Variants in ST6GAL1 observed in about 807,000 individuals in gnomAD.
The protein encoded by ST6GAL1 is beta-galactoside alpha-2,6-sialyltransferase 1.
ST6GAL1 carries 20 observed loss-of-function variants against 38.0 expected under a neutral mutation model. The observed-to-expected ratio is 0.53, with a 90% CI of 0.37 to 0.77. ST6GAL1 has a LOEUF of 0.77. Among genes scored for constraint, ST6GAL1 ranks in the 30% least tolerant of loss-of-function variants. The pLI is 0.00. For missense variants in ST6GAL1, 432 were observed against 496.4 expected (o/e 0.87, Z 1.23); for synonymous variants, 196 against 188.2 (o/e 1.04, Z -0.34).
chr3:187,033,381 C>T (rs994019352), intron 2 of ST6GAL1, among the ~76,000 whole-genome samples: 2 of 102,524 alleles, frequency 2.0e-5, no homozygotes, highest in African/African-American at 1.9e-4. Flanking sequence ...CCACTTCTGC[C>T]TGGGCCGACA....
chr3:187,023,530 A>G (rs1717402574), intron 2 of ST6GAL1, among the ~76,000 whole-genome samples: 1 of 152,204 alleles, frequency 6.6e-6, no homozygotes, highest in Non-Finnish European at 1.5e-5. Context: ...ATGTGCACAT[A>G]TACACCATGG....
intron 5 of ST6GAL1, among the ~76,000 whole-genome samples, chr3:187,052,024 C>CT (rs1267607554): frequency 6.6e-6 from 1 of 152,152 alleles, no homozygotes; most frequent in Non-Finnish European, 1.5e-5. Context: ...CAACATTTGC[C>CT]TTTTTCTGAA....
At chr3:187,064,354 C>T (rs1719021499) in intron 5 of ST6GAL1, among the ~76,000 whole-genome samples, 2 of 152,182 alleles carry the variant, frequency 1.3e-5, no homozygotes, top group African/African-American at 4.8e-5. Context: ...AATTGAAACT[C>T]TCCTGGGCAG....
At chr3:186,933,766 C>T (rs1288375973) in intron 1 of ST6GAL1, among the ~76,000 whole-genome samples, 1 of 152,202 alleles carries the variant, frequency 6.6e-6, no homozygotes, top group East Asian at 1.9e-4. Flanking sequence ...TTGCATCAAA[C>T]CAGTAGTTGT....
chr3:186,956,739 G>A (rs9826667), intron 1 of ST6GAL1, among the ~76,000 whole-genome samples: 29,622 of 152,088 alleles, frequency 0.19, 6,293 homozygotes, highest in African/African-American at 0.54. Flanking sequence ...TCACCCTCCC[G>A]TAAGATCCAC....
intron 4 of ST6GAL1, among the ~76,000 whole-genome samples, 180 bp from the exon 5 acceptor site, chr3:187,051,069 T>A (rs1718496722): frequency 6.6e-6 from 1 of 152,170 alleles, no homozygotes; most frequent in Non-Finnish European, 1.5e-5. Context: ...CAGGTGGTCA[T>A]CTCTGCCTAG....
At chr3:187,001,894 T>G (rs1463265764) in intron 2 of ST6GAL1, among the ~76,000 whole-genome samples, 2 of 149,880 alleles carry the variant, frequency 1.3e-5, no homozygotes, top group Non-Finnish European at 3.0e-5. Context: ...AGGCGGAGGT[T>G]GCAGTGAGCC....
At chr3:186,954,863 T>G (rs67697192) in intron 1 of ST6GAL1, among the ~76,000 whole-genome samples, 15,921 of 152,264 alleles carry the variant, frequency 0.1, 1,083 homozygotes, top group Non-Finnish European at 0.16. Context: ...TTTCTGCTTT[T>G]GTTGTAATTG....
intron 1 of ST6GAL1, among the ~76,000 whole-genome samples, chr3:186,944,231 C>T (rs888906569): frequency 3.2e-4 from 48 of 152,244 alleles, no homozygotes; most frequent in African/African-American, 1.2e-3. Context: ...GTAGTGCCTG[C>T]GAATCCTTTA....
At chr3:187,054,658 G>A (rs192319375) in intron 5 of ST6GAL1, among the ~76,000 whole-genome samples, 10 of 152,190 alleles carry the variant, frequency 6.6e-5, no homozygotes, top group African/African-American at 2.4e-4. Flanking sequence ...TGACTTAATC[G>A]TGGTGGATAA....
chr3:186,956,855 T>G (rs913792128), intron 1 of ST6GAL1, among the ~76,000 whole-genome samples: 15 of 152,016 alleles, frequency 9.9e-5, no homozygotes, highest in African/African-American at 3.1e-4. Flanking sequence ...TTGAGAAAAG[T>G]TTGAAACATG....
intron 2 of ST6GAL1, among the ~76,000 whole-genome samples, chr3:186,969,277 TC>T (rs1471965074): frequency 2.6e-5 from 4 of 152,204 alleles, no homozygotes; most frequent in Admixed American, 6.5e-5. Flanking sequence ...GGTGTTGAAC[TC>T]CTGACCTCAA....
intron 5 of ST6GAL1, among the ~76,000 whole-genome samples, chr3:187,056,327 CA>C (rs1198556804): frequency 6.6e-6 from 1 of 152,000 alleles, no homozygotes; most frequent in African/African-American, 2.4e-5. Context: ...ATTATGTGTG[CA>C]TTTGATCCTG....
intron 1 of ST6GAL1, among the ~76,000 whole-genome samples, chr3:186,951,108 C>A (rs1001883541): frequency 6.6e-6 from 1 of 152,084 alleles, no homozygotes; most frequent in African/African-American, 2.4e-5. Flanking sequence ...TTGTTTTTGT[C>A]CCCCAGGCTG....
At chr3:187,027,876 G>A (rs555049261) in intron 2 of ST6GAL1, among the ~76,000 whole-genome samples, 2 of 152,184 alleles carry the variant, frequency 1.3e-5, no homozygotes, top group Non-Finnish European at 2.9e-5. Context: ...GGCATTACCG[G>A]TAAGGCAGAG....
intron 2 of ST6GAL1, among the ~76,000 whole-genome samples, chr3:187,002,990 C>CTG (rs1266000872): frequency 6.6e-6 from 1 of 152,172 alleles, no homozygotes; most frequent in African/African-American, 2.4e-5. Context: ...ATTATGGAAA[C>CTG]TGACAATTAC....
chr3:187,016,596 G>A (rs1010792883), intron 2 of ST6GAL1, among the ~76,000 whole-genome samples: 3 of 152,166 alleles, frequency 2.0e-5, no homozygotes, highest in African/African-American at 2.4e-5. Flanking sequence ...CTGTGGATCT[G>A]TCCCCCAAAG....
chr3:186,970,780 G>A (rs1475076282), intron 2 of ST6GAL1, among the ~76,000 whole-genome samples: 1 of 152,106 alleles, frequency 6.6e-6, no homozygotes, highest in Non-Finnish European at 1.5e-5. Context: ...TGGTATGCAT[G>A]TATCACAGTT....
intron 4 of ST6GAL1, among the ~76,000 whole-genome samples, chr3:187,050,507 A>G (rs1424328763): frequency 6.9e-6 from 1 of 144,768 alleles, no homozygotes; most frequent in African/African-American, 2.5e-5. Context: ...GATTTAGTAC[A>G]TTGTTTCTGA....
Sources: allele counts gnomAD v4.1 joint callset (sites outside exome capture counted in the v4.1 genomes callset), GRCh38; gene constraint gnomAD v4.1.1; transcripts MANE v1.5; gene names NCBI Gene and HGNC (gene_info 2026-07-23, HGNC 2026-07-21).